SZRD1: variants seen among roughly 807,000 people sequenced by gnomAD.
The protein encoded by SZRD1 is SUZ RNA-binding domain-containing.
In SZRD1, 7 loss-of-function variants were observed where a neutral mutation model predicts 17.6. That is an observed-to-expected ratio of 0.40 (90% CI 0.23 to 0.75). The LOEUF (loss-of-function observed/expected upper bound fraction) is 0.75, where lower values mean the gene tolerates loss of function less well. SZRD1 is among the 30% of genes least tolerant of loss of function. SZRD1 has a pLI of 0.38. For missense variants in SZRD1, 178 were observed against 201.8 expected, an observed-to-expected ratio of 0.88 and a Z score of 0.71; for synonymous variants, 77 against 77.9, an observed-to-expected ratio of 0.99 and a Z score of 0.06.
chr1:16,382,341 C>T (rs1477601647), intron 1 of SZRD1, among the ~76,000 whole-genome samples: 1 of 150,138 alleles, frequency 6.7e-6, no homozygotes, highest in Non-Finnish European at 1.5e-5. Context: ...GTGCACGCCA[C>T]TGTGCCCAGC....
chr1:16,381,410 A>G (rs1008620118), intron 1 of SZRD1, among the ~76,000 whole-genome samples: 1 of 151,830 alleles, frequency 6.6e-6, no homozygotes, highest in Non-Finnish European at 1.5e-5. Flanking sequence ...CAAAAAAATT[A>G]GCCAGGTGTG....
chr1:16,369,313 G>A, intron 1 of SZRD1: 1 of 700,980 alleles, frequency 1.4e-6, no homozygotes. Context: ...CACCTCGGAT[G>A]TCACGTTGAT....
At chr1:16,390,035 G>C (rs1213962954) in intron 1 of SZRD1, among the ~76,000 whole-genome samples, 1 of 152,242 alleles carries the variant, frequency 6.6e-6, no homozygotes, top group Non-Finnish European at 1.5e-5. Flanking sequence ...ACATTGTCCA[G>C]TGTCCCCTGA....
intron 1 of SZRD1, among the ~76,000 whole-genome samples, chr1:16,384,607 G>T (rs1319078182): frequency 1.3e-5 from 2 of 152,180 alleles, no homozygotes; most frequent in Non-Finnish European, 2.9e-5. Context: ...AGGAGACCCT[G>T]TAGCCCAGGG....
chr1:16,376,650 A>C (rs1007473415), intron 1 of SZRD1, among the ~76,000 whole-genome samples: 6 of 151,616 alleles, frequency 4.0e-5, no homozygotes, highest in Admixed American at 2.0e-4. Context: ...TACTGAAAAT[A>C]CAAAAATTAG....
chr1:16,388,658 A>G (rs1219746962), intron 1 of SZRD1, among the ~76,000 whole-genome samples: 2 of 151,234 alleles, frequency 1.3e-5, no homozygotes, highest in Non-Finnish European at 2.9e-5. Context: ...ACACTGTTTA[A>G]CTTACTAGAA....
chr1:16,374,354 A>G (rs551142597), intron 1 of SZRD1, among the ~76,000 whole-genome samples: 1 of 152,266 alleles, frequency 6.6e-6, no homozygotes, highest in African/African-American at 2.4e-5. Context: ...CTCTGGAAAA[A>G]GGTTGGTTTC....
At position 16,389,797 on chromosome 1, in the gene SZRD1, C is replaced by CTGAG. The variant is rs1198188024; in HGVS notation, c.52-1577_52-1574dup. The stretch of plus-strand genomic sequence containing the variant: ...AGCACTTACGAAAATGGCCTACATG[C>CTGAG]TGAGCCATGGGGCAGATCTCACCAA... On this transcript the variant is annotated intron_variant, in intron 1 of 3. Coordinates refer to ENST00000401088, the MANE Select transcript of SZRD1 (RefSeq NM_001114600.3). Among the ~76,000 whole-genome samples, 3 of 152,356 alleles carry CTGAG rather than the reference C, an allele frequency of 2.0e-5. No homozygotes were observed. The East Asian group carries it at 5.8e-4, about 29-fold the overall frequency.
At chr1:16,382,119 G>A (rs529002601) in intron 1 of SZRD1, among the ~76,000 whole-genome samples, 8 of 152,062 alleles carry the variant, frequency 5.3e-5, no homozygotes, top group South Asian at 4.1e-4. Context: ...GTAGAGACCC[G>A]TAGGCCAAGA....
In SZRD1 at chr1:16,393,169, T is replaced by G; in HGVS notation, c.102-59T>G. The stretch of plus-strand genomic sequence containing the variant: ...AGTGATGAGAGGTGGGTGTGGGACA[T>G]GGACAGGGCCTCCTTAGTCAGGAGC... On this transcript the variant is annotated intron_variant, in intron 2 of 3. Coordinates refer to ENST00000401088, the MANE Select transcript of SZRD1 (RefSeq NM_001114600.3). This position sits in a 1 kb window ranked among gnomAD's most constrained non-coding sequence, Gnocchi z 5.6. 6.3e-7 allele frequency: 1 copy of G among 1,587,924 alleles called. No individual in the cohort carries two copies. Among genetic ancestry groups the G allele is most frequent in the Admixed American group, 1.7e-5 (1 of 59,028 alleles).
intron 1 of SZRD1, among the ~76,000 whole-genome samples, chr1:16,377,175 T>C (rs1381530604): frequency 6.6e-6 from 1 of 152,164 alleles, no homozygotes; most frequent in Non-Finnish European, 1.5e-5. Context: ...TGGGATTTGA[T>C]GAGGGCACCC....
At chr1:16,370,970 A>G (rs1336957798) in intron 1 of SZRD1, among the ~76,000 whole-genome samples, 3 of 152,200 alleles carry the variant, frequency 2.0e-5, no homozygotes, top group Non-Finnish European at 4.4e-5. Flanking sequence ...CAGGCTATAC[A>G]TGTCTTTCAT....
chr1:16,392,446 G>A (rs979878636), intron 2 of SZRD1, among the ~76,000 whole-genome samples: 2 of 151,670 alleles, frequency 1.3e-5, no homozygotes, highest in African/African-American at 4.8e-5. Flanking sequence ...TTTGTTTTTT[G>A]TCATTCCACC....
chr1:16,373,556 G>A (rs999137862), intron 1 of SZRD1, among the ~76,000 whole-genome samples: 13 of 148,012 alleles, frequency 8.8e-5, no homozygotes, highest in Non-Finnish European at 1.9e-4. Flanking sequence ...TCCAGCCTGG[G>A]CAACAAGAGT....
At chr1:16,382,174 G>T (rs2083115220) in intron 1 of SZRD1, among the ~76,000 whole-genome samples, 1 of 151,664 alleles carries the variant, frequency 6.6e-6, no homozygotes, top group South Asian at 2.1e-4. Flanking sequence ...GCTGAGCAGG[G>T]GCTAGCATGG....
chr1:16,369,337 C>G (rs1159749593), intron 1 of SZRD1: 4 of 764,020 alleles, frequency 5.2e-6, no homozygotes, highest in African/African-American at 5.2e-5. Context: ...GCTCTTACTC[C>G]TTTCAATGGT....
At chr1:16,381,700 A>G (rs994392711) in intron 1 of SZRD1, among the ~76,000 whole-genome samples, 2 of 152,064 alleles carry the variant, frequency 1.3e-5, no homozygotes, top group Admixed American at 6.6e-5. Flanking sequence ...GGGAGGCTGA[A>G]GCAGGCGGAT....
Position 16,382,849 on chromosome 1 carries a change from CA to C in SZRD1, c.52-8524del, listed in dbSNP as rs1453886558. 5.3e-5 allele frequency among the ~76,000 whole-genome samples: 8 copies of C among 151,636 alleles called. No homozygotes were observed. The East Asian group carries it at 1.5e-3, about 29-fold the overall frequency. On this transcript the variant is annotated intron_variant, in intron 1 of 3. Coordinates refer to ENST00000401088, the MANE Select transcript of SZRD1 (RefSeq NM_001114600.3). ...AAGCAGTGTTGTCCAACAGAAGGTA[CA>C]ATGTGAGCCACATGGATAATTTTTT...
intron 1 of SZRD1, chr1:16,369,102 C>T (rs1022356137): frequency 1.4e-5 from 5 of 353,758 alleles, no homozygotes; most frequent in African/African-American, 1.1e-4. Flanking sequence ...CTTTTGGTTC[C>T]CAAGTTTTAT....
Sources: gnomAD v4.1 joint callset for allele counts (sites outside exome capture counted in the v4.1 genomes callset) on GRCh38, gnomAD v4.1.1 for gene constraint, Gnocchi (gnomAD v3.1) non-coding constraint, MANE v1.5 for transcripts, NCBI Gene and HGNC (gene_info 2026-07-23, HGNC 2026-07-21) for gene names.